Variants in DPP6 observed in about 807,000 individuals in gnomAD.
DPP6 encodes A-type potassium channel modulatory protein DPP6.
A neutral mutation model predicts 122.6 loss-of-function variants in DPP6; 69 were observed. That is an observed-to-expected ratio of 0.56 (90% CI 0.46 to 0.69). The LOEUF is 0.69. Ranked by LOEUF, DPP6 falls within the 30% of genes least tolerant of loss-of-function variation. The probability of loss-of-function intolerance (pLI) is 0.00; values close to 1 mark genes in which losing one functional copy is unlikely to be tolerated. For missense variants in DPP6, 928 were observed against 1,116.9 expected, an observed-to-expected ratio of 0.83 and a Z score of 2.41; for synonymous variants, 418 against 433.1, an observed-to-expected ratio of 0.97 and a Z score of 0.43.
At chr7:154,259,252 A>C (rs1383266820) in intron 1 of DPP6, among the ~76,000 whole-genome samples, 1 of 152,256 alleles carries the variant, frequency 6.6e-6, no homozygotes, top group Non-Finnish European at 1.5e-5. Context: ...ATTGTTCTCT[A>C]ATCTATCAAT....
At chr7:153,781,361 C>T in the DPP6 span, among the ~76,000 whole-genome samples, 2,635 of 151,548 alleles carry the variant, frequency 0.017, 31 homozygotes, top group African/African-American at 0.034. Flanking sequence ...GAAGTTGTTA[C>T]GCAGAGCAGT....
At chr7:154,669,880 A>G (rs1393668112) in intron 7 of DPP6, among the ~76,000 whole-genome samples, 1 of 151,704 alleles carries the variant, frequency 6.6e-6, no homozygotes, top group Non-Finnish European at 1.5e-5. Context: ...TTCTTTTGAG[A>G]TGGAGTTTTG....
chr7:154,354,322 G>C (rs981494888), intron 1 of DPP6, among the ~76,000 whole-genome samples: 8 of 152,188 alleles, frequency 5.3e-5, no homozygotes, highest in Admixed American at 5.2e-4. Flanking sequence ...TAAGCCCAGT[G>C]TGGTGTTTTA....
At chr7:154,205,702 C>T (rs866690475) in intron 1 of DPP6, among the ~76,000 whole-genome samples, 12 of 152,048 alleles carry the variant, frequency 7.9e-5, no homozygotes, top group African/African-American at 2.2e-4. Flanking sequence ...AGCACTCCTC[C>T]GCCATGAGGT....
Position 154,863,773 on chromosome 7 carries a change from C to G in DPP6, c.1715-4222C>G, listed in dbSNP as rs1166261808. 1.3e-5 allele frequency among the ~76,000 whole-genome samples: 2 copies of G among 151,996 alleles called. No individual in the cohort carries two copies. The highest frequency in any genetic ancestry group is 2.9e-5 in the Non-Finnish European group (2 of 68,018). On this transcript the variant is annotated intron_variant, in intron 17 of 25. Transcript: ENST00000377770. The surrounding 1 kb of genome is among the most constrained non-coding windows in gnomAD (Gnocchi z 4.1). ...GAGGCTGCAGTGAGTTATGATTTCA[C>G]CACTGCACTCCAACCTGGCTGCAAG...
chr7:154,406,349 T>C (rs764258313), intron 1 of DPP6, among the ~76,000 whole-genome samples: 2 of 152,188 alleles, frequency 1.3e-5, no homozygotes, highest in Non-Finnish European at 2.9e-5. Flanking sequence ...TATTTCATAA[T>C]AATTTTACAA....
intron 1 of DPP6, among the ~76,000 whole-genome samples, chr7:154,334,557 C>T (rs1809233111): frequency 6.6e-6 from 1 of 152,140 alleles, no homozygotes; most frequent in Admixed American, 6.5e-5. Context: ...TCAATAAACC[C>T]TGGTGGCGAT....
intron 8 of DPP6, among the ~76,000 whole-genome samples, chr7:154,752,415 G>A (rs1843439556): frequency 6.6e-6 from 1 of 152,154 alleles, no homozygotes; most frequent in Admixed American, 6.5e-5. Context: ...TTTCAAGATA[G>A]AGTTGGTTTT....
chr7:154,713,329 G>A (rs1213626220), intron 7 of DPP6, among the ~76,000 whole-genome samples: 1 of 152,194 alleles, frequency 6.6e-6, no homozygotes, highest in Non-Finnish European at 1.5e-5. Flanking sequence ...CTGAAGGATG[G>A]TGGCCCTCTT....
At chr7:153,957,517 G>T (rs1338256767) in intron 1 of DPP6, among the ~76,000 whole-genome samples, 1 of 152,150 alleles carries the variant, frequency 6.6e-6, no homozygotes, top group Non-Finnish European at 1.5e-5. Context: ...AAAGCTGATG[G>T]GACTGTTTTT....
intron 1 of DPP6, among the ~76,000 whole-genome samples, chr7:154,084,945 G>T (rs867751898): frequency 1.6e-5 from 2 of 122,848 alleles, no homozygotes; most frequent in Non-Finnish European, 3.1e-5. Flanking sequence ...AGCTGAGATC[G>T]CACCACTGCA....
At chr7:154,599,273 G>A (rs1272239260) in intron 5 of DPP6, among the ~76,000 whole-genome samples, 2 of 152,124 alleles carry the variant, frequency 1.3e-5, no homozygotes, top group African/African-American at 2.4e-5. Context: ...GCCCCGCATA[G>A]GTCTAAGGAC....
intron 1 of DPP6, among the ~76,000 whole-genome samples, chr7:154,343,891 T>C (rs1369261356): frequency 6.6e-6 from 1 of 152,150 alleles, no homozygotes; most frequent in Non-Finnish European, 1.5e-5. Flanking sequence ...AATTTTTGTA[T>C]TATTAGTAGA....
intron 3 of DPP6, among the ~76,000 whole-genome samples, chr7:154,506,890 A>G (rs10267199): frequency 0.53 from 80,560 of 152,044 alleles, 21,730 homozygotes; most frequent in Middle Eastern, 0.6. Flanking sequence ...GAATGCATAC[A>G]TACACATTTT....
intron 1 of DPP6, among the ~76,000 whole-genome samples, chr7:154,082,449 T>C (rs4725521): frequency 0.62 from 94,262 of 151,514 alleles, 29,528 homozygotes; most frequent in South Asian, 0.68. Flanking sequence ...GGAGTAATAC[T>C]GCTGAGAGTC....
At position 154,278,461 on chromosome 7, in the gene DPP6, C is replaced by T. The variant is rs1265613798; in HGVS notation, c.244-167753C>T. ...AGCTGCTGCTGTAACTGCATCTTGA[C>T]GATGCAAAATGACGATGGAAATATA... On this transcript the variant is annotated intron_variant, in intron 1 of 25. Coordinates refer to ENST00000377770, the MANE Select transcript of DPP6 (RefSeq NM_130797.4). Among the ~76,000 whole-genome samples the T allele has an allele frequency of 2.6e-5, 4 of 152,136 alleles. No homozygotes were observed. The East Asian group carries it at 5.8e-4, about 22-fold the overall frequency.
the DPP6 span, among the ~76,000 whole-genome samples, chr7:153,808,424 T>C: frequency 6.6e-6 from 1 of 151,992 alleles, no homozygotes; most frequent in Admixed American, 6.6e-5. Context: ...TGTGTCTGTG[T>C]GTGTGACTGT....
chr7:153,900,168 G>A (rs1305604574), intron 1 of DPP6, among the ~76,000 whole-genome samples: 1 of 151,840 alleles, frequency 6.6e-6, no homozygotes, highest in African/African-American at 2.4e-5. Context: ...CAAACTCTTT[G>A]TGGTGAAGTG....
chr7:154,320,960 C>T (rs10257714), intron 1 of DPP6, among the ~76,000 whole-genome samples: 25,904 of 152,048 alleles, frequency 0.17, 3,654 homozygotes, highest in African/African-American at 0.38. Flanking sequence ...GACTTCTAGG[C>T]ACAAAGGATC....
Sources: gnomAD v4.1 joint callset for allele counts (sites outside exome capture counted in the v4.1 genomes callset) on GRCh38, gnomAD v4.1.1 for gene constraint, Gnocchi (gnomAD v3.1) non-coding constraint, MANE v1.5 for transcripts, NCBI Gene and HGNC (gene_info 2026-07-23, HGNC 2026-07-21) for gene names.